RBM46: variants seen among roughly 807,000 people sequenced by gnomAD.
RBM46 encodes probable RNA-binding protein 46.
Under a neutral mutation model 43.3 loss-of-function variants are expected in RBM46, and 12 were observed. The ratio of observed to expected loss-of-function variants is 0.28; its 90% CI spans 0.18 to 0.45. The LOEUF is 0.45. Among genes scored for constraint, RBM46 ranks in the 20% least tolerant of loss-of-function variants. The pLI, the probability that RBM46 is intolerant of heterozygous loss-of-function variation, is 1.00. For missense variants in RBM46, 412 were observed against 639.1 expected, an observed-to-expected ratio of 0.64 and a Z score of 3.83; for synonymous variants, 205 against 207.6, an observed-to-expected ratio of 0.99 and a Z score of 0.11.
chr4:154,801,134 G>A (rs1367284513), intron 4 of RBM46, among the ~76,000 whole-genome samples: 2 of 151,844 alleles, frequency 1.3e-5, no homozygotes, highest in Non-Finnish European at 2.9e-5. Context: ...GCCCACCACC[G>A]TGCCCGGCTA....
intron 1 of RBM46, among the ~76,000 whole-genome samples, chr4:154,786,140 G>T (rs1733752425): frequency 6.6e-6 from 1 of 152,210 alleles, no homozygotes. Flanking sequence ...AGGCTGGAAT[G>T]CAGTGGCACG....
At position 154,798,018 on chromosome 4, in the gene RBM46, T is replaced by C; in HGVS notation, c.359T>C (p.Ile120Thr). Residue 120 changes from isoleucine (I) to threonine (T), a missense_variant, in exon 3 of 5, where the codon ATT becomes ACT. Physicochemically the swap from Ile to Thr is moderately conservative, Grantham distance 89. This residue lies in a region of RBM46 where 48 missense variants were observed against 78.9 expected (regional missense o/e 0.61). Transcript: ENST00000281722. ...TKEEAQLAIR[I>T]LNNYEIRPGK... ...GAAGAAGCCCAATTAGCCATCAGAA[T>C]TCTTAATAATTATGAAATTCGACCA... 6.2e-7 allele frequency: 1 copy of C among 1,613,628 alleles called. No individual in the cohort carries two copies. Among genetic ancestry groups the C allele is most frequent in the Non-Finnish European group, 8.5e-7 (1 of 1,179,904 alleles).
In RBM46 at chr4:154,793,008, A is replaced by T. The variant is rs193276007; in HGVS notation, c.-11-3734A>T. On this transcript the variant is annotated intron_variant, in intron 1 of 4. Transcript: ENST00000281722. ...CTTGAGTCCTTATTCCTACTCACCAATGATAACTACCAGTAAAGTTCCTTG... is the reference window on the plus strand; with the variant it reads ...CTTGAGTCCTTATTCCTACTCACCATTGATAACTACCAGTAAAGTTCCTTG... Among the ~76,000 whole-genome samples, 288 of 152,352 alleles carry T rather than the reference A, an allele frequency of 1.9e-3. 1 individual carries two copies. Among genetic ancestry groups the T allele is most frequent in the African/African-American group, 5.5e-3 (229 of 41,596 alleles).
chr4:154,799,642 T>G lies in RBM46; in HGVS notation c.1402+78T>G, dbSNP rs966722069. ...TAGATTATTTTTAAATTCATTTATTTTGAACTCAACATTAGTGGTAAGTAT... is the reference window on the plus strand; with the variant it reads ...TAGATTATTTTTAAATTCATTTATTGTGAACTCAACATTAGTGGTAAGTAT... On this transcript the variant is annotated intron_variant, in intron 4 of 4. Transcript: ENST00000281722. 32 of 1,055,852 alleles carry G rather than the reference T, an allele frequency of 3.0e-5. No individual in the cohort carries two copies. The African/African-American group carries it at 4.8e-4, about 16-fold the overall frequency. The allele number at this position is 1,055,852 out of a possible 1,614,324, so 65.4% of individuals were successfully genotyped here. A position where few individuals can be genotyped will look rare whatever the true frequency, so the allele number is the denominator to read the frequency against.
At chr4:154,802,584 A>C (rs1734690118) in intron 4 of RBM46, among the ~76,000 whole-genome samples, 1 of 152,202 alleles carries the variant, frequency 6.6e-6, no homozygotes, top group Non-Finnish European at 1.5e-5. Context: ...TGTTCTTGAC[A>C]TCCTAGTAAA....
intron 4 of RBM46, among the ~76,000 whole-genome samples, chr4:154,824,772 GAGAA>G (rs997816453): frequency 3.3e-5 from 5 of 151,942 alleles, no homozygotes; most frequent in Non-Finnish European, 1.5e-5. Flanking sequence ...ATTATGTTGA[GAGAA>G]AGAAGATAGA....
chr4:154,789,844 A>G (rs1733986157), intron 1 of RBM46, among the ~76,000 whole-genome samples: 1 of 152,116 alleles, frequency 6.6e-6, no homozygotes, highest in African/African-American at 2.4e-5. Flanking sequence ...TATTGCCTCA[A>G]TTTCAGAGCC....
chr4:154,803,162 G>A (rs1734721237), intron 4 of RBM46, among the ~76,000 whole-genome samples: 1 of 151,930 alleles, frequency 6.6e-6, no homozygotes. Context: ...AAAAGTTCTT[G>A]GTTTACAGGT....
intron 4 of RBM46, among the ~76,000 whole-genome samples, chr4:154,825,373 A>G (rs141100951): frequency 1.0e-3 from 153 of 152,268 alleles, no homozygotes; most frequent in African/African-American, 3.4e-3. Flanking sequence ...TTCAGCTTAC[A>G]TTTCATTCAT....
chr4:154,822,736 G>T (rs1735779274), intron 4 of RBM46, among the ~76,000 whole-genome samples: 1 of 151,550 alleles, frequency 6.6e-6, no homozygotes, highest in African/African-American at 2.4e-5. Flanking sequence ...GGTATCTAAA[G>T]AAATGCTTAA....
intron 1 of RBM46, chr4:154,787,108 A>G (rs1163439004): frequency 6.6e-6 from 1 of 152,174 alleles, no homozygotes. Context: ...TTTTTCAATA[A>G]GTGAGTTTCT....
At chr4:154,794,007 G>A (rs73855231) in intron 1 of RBM46, among the ~76,000 whole-genome samples, 6,727 of 152,004 alleles carry the variant, frequency 0.044, 476 homozygotes, top group African/African-American at 0.15. Flanking sequence ...TTGTTGCTTA[G>A]GCCAGAACTG....
At chr4:154,802,036 A>G (rs1734662059) in intron 4 of RBM46, among the ~76,000 whole-genome samples, 1 of 152,230 alleles carries the variant, frequency 6.6e-6, no homozygotes, top group Non-Finnish European at 1.5e-5. Flanking sequence ...CTCAATCTGT[A>G]TTCAGGCTCA....
At chr4:154,804,784 C>T (rs1734824375) in intron 4 of RBM46, among the ~76,000 whole-genome samples, 1 of 136,962 alleles carries the variant, frequency 7.3e-6, no homozygotes, top group Non-Finnish European at 1.6e-5. Context: ...GATTTGTGTA[C>T]TGTTGTTCTG....
chr4:154,822,334 G>T (rs1292748632), intron 4 of RBM46, among the ~76,000 whole-genome samples: 3 of 151,386 alleles, frequency 2.0e-5, no homozygotes, highest in Non-Finnish European at 4.4e-5. Flanking sequence ...GCTTTCGAAG[G>T]TTTAAATCGT....
intron 4 of RBM46, among the ~76,000 whole-genome samples, chr4:154,809,431 A>T (rs944708279): frequency 2.0e-5 from 3 of 152,102 alleles, no homozygotes; most frequent in Non-Finnish European, 4.4e-5. Flanking sequence ...TTTATTCTGA[A>T]ATTATTTATA....
chr4:154,799,284 T>C lies in RBM46; in HGVS notation c.1122T>C (p.Pro374=). The change falls in exon 4 of 5, where the codon CCT becomes CCC. Residue 374 remains proline, a synonymous_variant. Transcript: ENST00000281722. ...AAAGATGCACTTACCCTTTTTATCC[T>C]GGAACAAAGCTTACTCCAATTAGTA... The part of the protein sequence containing the change: ...EVERCTYPFY[P]GTKLTPISMY... 20 of 1,614,210 alleles carry C rather than the reference T, an allele frequency of 1.2e-5. No individual in the cohort carries two copies. Among genetic ancestry groups the C allele is most frequent in the Non-Finnish European group, 1.7e-5 (20 of 1,180,030 alleles).
intron 1 of RBM46, among the ~76,000 whole-genome samples, chr4:154,785,854 G>A (rs932474439): frequency 3.9e-5 from 6 of 152,062 alleles, no homozygotes; most frequent in African/African-American, 1.2e-4. Flanking sequence ...ACTCTTCACC[G>A]TATTTACTTT....
intron 4 of RBM46, among the ~76,000 whole-genome samples, chr4:154,819,102 T>G (rs140659038): frequency 1.3e-5 from 2 of 152,286 alleles, no homozygotes; most frequent in Middle Eastern, 3.4e-3. Flanking sequence ...TATTTTTTAT[T>G]CAATACCAGA....
Sources: gnomAD v4.1 joint callset for allele counts (sites outside exome capture counted in the v4.1 genomes callset) on GRCh38, gnomAD v4.1.1 for gene constraint, gnomAD v4.1.1 regional missense constraint, MANE v1.5 for transcripts, NCBI Gene and HGNC (gene_info 2026-07-23, HGNC 2026-07-21) for gene names.